The following RSF1 variants were observed in gnomAD, a reference collection of about 807,000 sequenced individuals.
RSF1 encodes the protein HBV pX-associated protein 8.
In RSF1, 13 loss-of-function variants were observed where a neutral mutation model predicts 145.2. That is an observed-to-expected ratio of 0.09 (90% CI 0.06 to 0.14). The LOEUF is 0.14. RSF1 is among the 10% of genes least tolerant of loss of function. RSF1 has a pLI of 1.00. For synonymous variants in RSF1, 577 were observed against 592.6 expected (o/e 0.97, Z 0.38); for missense variants, 1,517 against 1,718.2 (o/e 0.88, Z 2.07).
At chr11:77,681,050 T>A (rs1227290746) in intron 11 of RSF1, among the ~76,000 whole-genome samples, 2 of 152,178 alleles carry the variant, frequency 1.3e-5, no homozygotes, top group Non-Finnish European at 2.9e-5. Flanking sequence ...GAATGAAACA[T>A]CCCACTCTTG....
intron 4 of RSF1, among the ~76,000 whole-genome samples, chr11:77,735,354 A>C (rs1961322356): frequency 6.6e-6 from 1 of 152,240 alleles, no homozygotes; most frequent in Non-Finnish European, 1.5e-5. Flanking sequence ...ATGTAAAATT[A>C]TCCCTTTTTG....
Position 77,820,604 on chromosome 11 carries a change from T to G in RSF1, c.111A>C (p.Leu37=), listed in dbSNP as rs1360392583. 1 of 1,567,424 alleles carries G rather than the reference T, an allele frequency of 6.4e-7. No homozygotes were observed. The highest frequency in any genetic ancestry group is 8.6e-7 in the Non-Finnish European group (1 of 1,157,896). The change falls in exon 1 of 16, where the codon CTA becomes CTC. Residue 37 remains leucine (L), a synonymous_variant. Coordinates refer to ENST00000308488, the MANE Select transcript of RSF1 (RefSeq NM_016578.4). The part of the protein sequence containing the change: ...CSFLERYGPL[L]DLPELPFPEL... Reference sequence around the variant, plus strand: ...CAGGGAACGGCAACTCAGGCAGGTCTAGCAGCGGCCCGTAGCGCTCCAAGA... The same window carrying G: ...CAGGGAACGGCAACTCAGGCAGGTCGAGCAGCGGCCCGTAGCGCTCCAAGA...
chr11:77,727,505 TCACTC>T, intron 4 of RSF1, among the ~76,000 whole-genome samples: 1 of 144,518 alleles, frequency 6.9e-6, no homozygotes. Flanking sequence ...AGATGGAGTT[TCACTC>T]TTGTCACCCA....
At chr11:77,825,183 C>T (rs751876274), upstream of RSF1, among the ~76,000 whole-genome samples, 5 of 151,912 alleles carry the variant, frequency 3.3e-5, no homozygotes, top group Non-Finnish European at 7.4e-5. Context: ...GGGGTTTCAC[C>T]ATGTTAGCCA....
chr11:77,677,097 C>A (rs552786697), intron 12 of RSF1, 98 bp from the exon 13 acceptor site: 71 of 859,958 alleles, frequency 8.3e-5, no homozygotes, highest in South Asian at 5.5e-4. Context: ...TGCTTAGCAG[C>A]TCTTCATTTC....
At chr11:77,852,239 A>AAAAAAAAAAAAG in the RSF1 span, among the ~76,000 whole-genome samples, 1 of 133,828 alleles carries the variant, frequency 7.5e-6, no homozygotes, top group African/African-American at 2.8e-5. Flanking sequence ...AAAAAAAAAA[A>AAAAAAAAAAAAG]AAGAAGAAGA....
intron 1 of RSF1, among the ~76,000 whole-genome samples, chr11:77,772,976 G>A (rs781073366): frequency 7.9e-5 from 12 of 151,532 alleles, no homozygotes; most frequent in Non-Finnish European, 1.8e-4. Context: ...CCTAACTTAT[G>A]AATCAAACCA....
Position 77,661,278 on chromosome 11 carries a change from G to A in RSF1, c.*5639C>T, listed in dbSNP as rs567233564. On this transcript the variant is annotated 3_prime_UTR_variant, in exon 16 of 16. Coordinates refer to ENST00000308488, the MANE Select transcript of RSF1 (RefSeq NM_016578.4). ...CAAGCTACAACAGATACCATCTCAA[G>A]AAGCTACTTTGAAAGAGAATAGAAC... 1 of 152,228 alleles carries A rather than the reference G, an allele frequency of 6.6e-6. No homozygotes were observed. Among genetic ancestry groups the A allele is most frequent in the Non-Finnish European group, 1.5e-5 (1 of 67,996 alleles). 9.4% of individuals were successfully genotyped at this position (152,228 alleles called of 1,614,324 possible).
In RSF1 at chr11:77,670,641, TA is replaced by T. The variant is rs1959496863; in HGVS notation, c.3751+1400del. On this transcript the variant is annotated intron_variant, in intron 15 of 15. Coordinates refer to ENST00000308488, the MANE Select transcript of RSF1 (RefSeq NM_016578.4). Reference sequence around the variant, plus strand: ...AAATATTCATATTTAATGGCTTAACTAATGCAATTTATGTTTGTTTCTGTGA... The same window carrying T: ...AAATATTCATATTTAATGGCTTAACTATGCAATTTATGTTTGTTTCTGTGA... 6.6e-5 allele frequency among the ~76,000 whole-genome samples: 10 copies of T among 152,296 alleles called. No homozygotes were observed. In the South Asian group the frequency reaches 2.1e-3, roughly 32 times the overall value.
At chr11:77,823,077 G>C (rs374412953), upstream of RSF1, among the ~76,000 whole-genome samples, 4 of 151,956 alleles carry the variant, frequency 2.6e-5, no homozygotes, top group Non-Finnish European at 4.4e-5. Context: ...AGCCGGGCGT[G>C]GTGGCGGCGG....
intron 15 of RSF1, among the ~76,000 whole-genome samples, chr11:77,670,812 A>T (rs572243964): frequency 7.2e-5 from 11 of 152,070 alleles, no homozygotes; most frequent in African/African-American, 2.7e-4. Flanking sequence ...ACAATCTTCA[A>T]AACAGGCCAT....
chr11:77,838,775 C>T, the RSF1 span, among the ~76,000 whole-genome samples: 15 of 151,990 alleles, frequency 9.9e-5, no homozygotes, highest in African/African-American at 3.6e-4. Context: ...CACCACTGCG[C>T]CCAGCTATTT....
chr11:77,712,714 A>G (rs1219594519), intron 5 of RSF1, among the ~76,000 whole-genome samples: 1 of 152,180 alleles, frequency 6.6e-6, no homozygotes, highest in African/African-American at 2.4e-5. Flanking sequence ...TACATGTTTT[A>G]ACTTATGTTC....
At chr11:77,825,193 A>C (rs911165008), upstream of RSF1, among the ~76,000 whole-genome samples, 4 of 151,974 alleles carry the variant, frequency 2.6e-5, no homozygotes, top group Admixed American at 2.6e-4. Flanking sequence ...CATGTTAGCC[A>C]GGATGGTCTC....
chr11:77,788,466 C>A, intron 1 of RSF1, among the ~76,000 whole-genome samples: 1 of 137,110 alleles, frequency 7.3e-6, no homozygotes, highest in Non-Finnish European at 1.5e-5. Flanking sequence ...AAGTCTGATA[C>A]TGAATGGGAT....
chr11:77,741,077 C>T lies in RSF1; in HGVS notation c.373-141G>A, dbSNP rs1272998031. Reference sequence around the variant, plus strand: ...GTATTCCTTCTTTCACTATCCTCTTCCCACTTTCATACAAACTGTTTAGAA... The same window carrying T: ...GTATTCCTTCTTTCACTATCCTCTTTCCACTTTCATACAAACTGTTTAGAA... On this transcript the variant is annotated intron_variant, in intron 3 of 15. Transcript: ENST00000308488. 1.2e-5 allele frequency: 8 copies of T among 659,078 alleles called. No homozygotes were observed. In the African/African-American group the frequency reaches 1.3e-4, roughly 10 times the overall value. 40.8% of individuals were successfully genotyped at this position (659,078 alleles called of 1,614,324 possible). A position where few individuals can be genotyped will look rare whatever the true frequency, so the allele number is the denominator to read the frequency against.
intron 1 of RSF1, among the ~76,000 whole-genome samples, chr11:77,771,371 A>G (rs1222392214): frequency 1.3e-5 from 2 of 152,210 alleles, no homozygotes; most frequent in African/African-American, 4.8e-5. Context: ...GAAACAGCCA[A>G]CTAAGCCAAG....
At chr11:77,776,089 T>TA (rs1200981655) in intron 1 of RSF1, among the ~76,000 whole-genome samples, 2 of 152,138 alleles carry the variant, frequency 1.3e-5, no homozygotes, top group African/African-American at 4.8e-5. Flanking sequence ...CATGTGCTTG[T>TA]AGTCCTCCTT....
chr11:77,834,267 G>C, the RSF1 span, among the ~76,000 whole-genome samples: 1 of 152,074 alleles, frequency 6.6e-6, no homozygotes, highest in African/African-American at 2.4e-5. Context: ...TCCCAACAAT[G>C]AACTAAACAC....
Sources: gnomAD v4.1 joint callset for allele counts (sites outside exome capture counted in the v4.1 genomes callset) on GRCh38, gnomAD v4.1.1 for gene constraint, MANE v1.5 for transcripts, NCBI Gene and HGNC (gene_info 2026-07-23, HGNC 2026-07-21) for gene names.